GREB1: variants seen among roughly 807,000 people sequenced by gnomAD.
GREB1 encodes growth regulating estrogen receptor binding 1.
A neutral mutation model predicts 200.7 loss-of-function variants in GREB1; 106 were observed. The ratio of observed to expected loss-of-function variants is 0.53; its 90% confidence interval spans 0.45 to 0.62. The LOEUF (loss-of-function observed/expected upper bound fraction) is 0.62. Among genes scored for constraint, GREB1 ranks in the 20% least tolerant of loss-of-function variants. GREB1 has a pLI of 0.00. For missense variants in GREB1, 2,243 were observed against 2,556.8 expected (o/e 0.88, Z 2.65); for synonymous variants, 1,132 against 1,092.4 (o/e 1.04, Z -0.72).
chr2:11,527,230 CA>C (rs529982168), intron 1 of GREB1, among the ~76,000 whole-genome samples: 16 of 150,836 alleles, frequency 1.1e-4, no homozygotes, highest in African/African-American at 2.4e-4. Context: ...ATCATGCGGT[CA>C]AAAAAAATGG....
chr2:11,630,133 G>A (rs749843850), intron 26 of GREB1, 24 bp downstream of exon 26: 2 of 1,612,986 alleles, frequency 1.2e-6, no homozygotes, highest in South Asian at 2.2e-5. Context: ...GACCTAGTGG[G>A]ACAGATCCAA....
At chr2:11,614,098 AT>A (rs1287065517) in intron 19 of GREB1, among the ~76,000 whole-genome samples, 3 of 148,832 alleles carry the variant, frequency 2.0e-5, no homozygotes, top group Non-Finnish European at 3.0e-5. Flanking sequence ...CACTGATTAC[AT>A]TTAATCTTTA....
At chr2:11,617,525 G>A (rs1029452041) in intron 21 of GREB1, among the ~76,000 whole-genome samples, 1 of 152,236 alleles carries the variant, frequency 6.6e-6, no homozygotes, top group African/African-American at 2.4e-5. Context: ...GAAGAAGTCT[G>A]TAATTTTGTC....
At chr2:11,552,702 CA>C (rs1395283979) in intron 1 of GREB1, among the ~76,000 whole-genome samples, 5 of 152,134 alleles carry the variant, frequency 3.3e-5, no homozygotes, top group African/African-American at 1.2e-4. Context: ...GTTGTGGCCA[CA>C]ATGGAATAAC....
intron 1 of GREB1, among the ~76,000 whole-genome samples, chr2:11,486,553 TA>T (rs1195268581): frequency 1.3e-5 from 2 of 150,022 alleles, no homozygotes; most frequent in East Asian, 2.0e-4. Flanking sequence ...ACAGAAGAGT[TA>T]AAAAAAAACA....
chr2:11,550,327 A>G (rs1489371461), intron 1 of GREB1, among the ~76,000 whole-genome samples: 3 of 152,222 alleles, frequency 2.0e-5, no homozygotes, highest in Non-Finnish European at 4.4e-5. Flanking sequence ...CCAATTTTCA[A>G]TATCTGTCCA....
upstream of GREB1, among the ~76,000 whole-genome samples, chr2:11,532,893 G>T (rs143520739): frequency 6.6e-6 from 1 of 152,240 alleles, no homozygotes; most frequent in South Asian, 2.1e-4. Flanking sequence ...GGTGCTTTAC[G>T]GTCCTGGTGT....
intron 4 of GREB1, among the ~76,000 whole-genome samples, chr2:11,568,054 G>C (rs1283454660): frequency 6.6e-6 from 1 of 152,188 alleles, no homozygotes; most frequent in African/African-American, 2.4e-5. Flanking sequence ...ATCCACTTCA[G>C]ATGTAGCCTC....
chr2:11,586,948 C>T (rs1680166186), intron 9 of GREB1, among the ~76,000 whole-genome samples: 2 of 152,056 alleles, frequency 1.3e-5, no homozygotes, highest in African/African-American at 4.8e-5. Context: ...CTGTGGTAGG[C>T]CCGAAGACCA....
chr2:11,616,617 G>A lies in GREB1; in HGVS notation c.3323-14G>A, dbSNP rs1429979951. The A allele has an allele frequency of 6.5e-7, 1 of 1,538,902 alleles. No individual in the cohort carries two copies. The highest frequency in any genetic ancestry group is 9.0e-7 in the Non-Finnish European group (1 of 1,111,304). ...TGATTTCGGTGCATTCTCAGCGTGT[G>A]TGTTTTGGAACAGGCTCTACCTCGG... is the stretch of plus-strand genomic sequence containing the variant. On this transcript the variant is annotated splice_polypyrimidine_tract_variant and intron_variant, in intron 20 of 32. Coordinates refer to ENST00000381486, the MANE Select transcript of GREB1 (RefSeq NM_014668.4).
At chr2:11,578,547 C>G (rs188338487) in intron 6 of GREB1, 116 bp downstream of exon 6, 1,402 of 1,061,660 alleles carry the variant, frequency 1.3e-3, no homozygotes, top group Non-Finnish European at 1.7e-3. Context: ...GGGCTGTTAT[C>G]TTTTTCTATA....
chr2:11,617,508 C>T (rs373860128), intron 21 of GREB1, among the ~76,000 whole-genome samples: 4 of 152,246 alleles, frequency 2.6e-5, no homozygotes, highest in Non-Finnish European at 4.4e-5. Context: ...ATTTTCACTT[C>T]ACATATGAAG....
At chr2:11,586,010 C>A (rs927156079) in intron 9 of GREB1, 105 bp downstream of exon 9, 2 of 1,197,208 alleles carry the variant, frequency 1.7e-6, no homozygotes, top group African/African-American at 3.0e-5. Context: ...CAAGGGTATC[C>A]TCCTGAGACA....
intron 1 of GREB1, among the ~76,000 whole-genome samples, chr2:11,550,858 C>T (rs1675749552): frequency 6.6e-6 from 1 of 152,210 alleles, no homozygotes; most frequent in South Asian, 2.1e-4. Context: ...AGAGACAATG[C>T]ATGTTCTCCA....
At chr2:11,524,385 A>G (rs946645785) in intron 1 of GREB1, among the ~76,000 whole-genome samples, 8 of 152,196 alleles carry the variant, frequency 5.3e-5, no homozygotes, top group Non-Finnish European at 8.8e-5. Context: ...TGACATGTCC[A>G]TGACTCTTGA....
chr2:11,533,047 T>C (rs1452695613), upstream of GREB1, among the ~76,000 whole-genome samples: 1 of 152,030 alleles, frequency 6.6e-6, no homozygotes, highest in Non-Finnish European at 1.5e-5. Flanking sequence ...AATGAATAAA[T>C]GAAGGAATGA....
intron 3 of GREB1, among the ~76,000 whole-genome samples, chr2:11,566,065 C>A (rs1558554198): frequency 6.6e-6 from 1 of 151,968 alleles, no homozygotes; most frequent in Non-Finnish European, 1.5e-5. Flanking sequence ...GTCACTTAGG[C>A]TGGAGTGCAG....
At chr2:11,483,649 C>T (rs1672571694) in intron 1 of GREB1, among the ~76,000 whole-genome samples, 2 of 146,044 alleles carry the variant, frequency 1.4e-5, no homozygotes, top group Admixed American at 1.4e-4. Context: ...CAGTTTGGGT[C>T]CTGGGAACAA....
Position 11,638,696 on chromosome 2 carries a change from G to A in GREB1, c.5573G>A (p.Arg1858Lys), listed in dbSNP as rs533935295. 2.5e-5 allele frequency: 40 copies of A among 1,614,038 alleles called. 1 individual carries two copies. The South Asian group carries it at 3.7e-4, about 15-fold the overall frequency. Residue 1858 changes from arginine (R) to lysine (K), a missense_variant, in exon 32 of 33, where the codon AGG (arginine) becomes AAG (lysine). Coordinates refer to ENST00000381486, the MANE Select transcript of GREB1 (RefSeq NM_014668.4). Reference sequence around the variant, plus strand: ...ATTTCTGTTTGCTATGTGAGCTCCAGGCCCCACTCTTTAAACATCAGCTGC... The same window carrying A: ...ATTTCTGTTTGCTATGTGAGCTCCAAGCCCCACTCTTTAAACATCAGCTGC... Reference protein sequence around the residue: ...SQISVCYVSSRPHSLNISCSD... With the variant: ...SQISVCYVSSKPHSLNISCSD...
Sources: gnomAD v4.1 joint callset for allele counts (sites outside exome capture counted in the v4.1 genomes callset) on GRCh38, gnomAD v4.1.1 for gene constraint, MANE v1.5 for transcripts, NCBI Gene and HGNC (gene_info 2026-07-23, HGNC 2026-07-21) for gene names.